Variants in RPN2 observed in about 807,000 individuals in gnomAD.
RPN2 encodes the protein dolichyl-diphosphooligosaccharide--protein glycosyltransferase subunit 2.
In RPN2, 29 loss-of-function variants were observed where a neutral mutation model predicts 71.4. That is an observed-to-expected ratio of 0.41 (90% CI 0.30 to 0.55). The LOEUF (loss-of-function observed/expected upper bound fraction) is 0.55, where lower values mean the gene tolerates loss of function less well. Ranked by LOEUF, RPN2 falls within the 20% of genes least tolerant of loss-of-function variation. The pLI is 0.35. For synonymous variants in RPN2, 308 were observed against 305.0 expected, an observed-to-expected ratio of 1.01 and a Z score of -0.10; for missense variants, 726 against 774.1, an observed-to-expected ratio of 0.94 and a Z score of 0.74.
At chr20:37,214,438 A>G (rs1175271090) in intron 9 of RPN2, among the ~76,000 whole-genome samples, 4 of 152,196 alleles carry the variant, frequency 2.6e-5, no homozygotes, top group Admixed American at 6.5e-5. Flanking sequence ...GAGGTAGTTC[A>G]CCTTAGTATT....
At chr20:37,206,208 T>A (rs1282845112) in intron 6 of RPN2, among the ~76,000 whole-genome samples, 1 of 152,232 alleles carries the variant, frequency 6.6e-6, no homozygotes, top group Non-Finnish European at 1.5e-5. Flanking sequence ...TCCACTTTTT[T>A]AAAAAATTGC....
At chr20:37,179,512 T>A in intron 1 of RPN2, 143 bp downstream of exon 1, 1 of 1,407,418 alleles carries the variant, frequency 7.1e-7, no homozygotes, top group Non-Finnish European at 9.3e-7. Flanking sequence ...CGCTCTCGGA[T>A]CGAGGGTCCG....
In RPN2 at chr20:37,212,825, A is replaced by C. The variant is rs183172482; in HGVS notation, c.987-935A>C. ...AATTAGGTAATAAGTTATTGAGATC[A>C]GGAGTTTTCAATTTTAGAGAGAAAA... is the stretch of plus-strand genomic sequence containing the variant. On this transcript the variant is annotated intron_variant, in intron 8 of 16. Coordinates refer to ENST00000237530, the MANE Select transcript of RPN2 (RefSeq NM_002951.5). Among the ~76,000 whole-genome samples the C allele has an allele frequency of 1.1e-4, 17 of 152,300 alleles. 1 individual carries two copies. The highest frequency in any genetic ancestry group is 4.1e-4 in the African/African-American group (17 of 41,556).
intron 16 of RPN2, among the ~76,000 whole-genome samples, chr20:37,239,290 T>A (rs2068488139): frequency 6.6e-6 from 1 of 152,192 alleles, no homozygotes; most frequent in Admixed American, 6.5e-5. Context: ...CCAACAAAAC[T>A]TTATTCACCA....
At chr20:37,199,858 G>A (rs1568971886) in intron 4 of RPN2, among the ~76,000 whole-genome samples, 1 of 152,118 alleles carries the variant, frequency 6.6e-6, no homozygotes, top group Non-Finnish European at 1.5e-5. Flanking sequence ...TTTAGAGACA[G>A]GATCTCACTC....
chr20:37,193,802 T>C (rs2067197254), intron 2 of RPN2, among the ~76,000 whole-genome samples: 2 of 152,094 alleles, frequency 1.3e-5, no homozygotes, highest in African/African-American at 4.8e-5. Context: ...CTTTGAGTCA[T>C]GTAAGTGGCT....
intron 6 of RPN2, among the ~76,000 whole-genome samples, chr20:37,205,679 C>T (rs1224687222): frequency 6.6e-6 from 1 of 152,090 alleles, no homozygotes; most frequent in East Asian, 1.9e-4. Flanking sequence ...CATATTTTCT[C>T]CATGTGGTCA....
intron 4 of RPN2, among the ~76,000 whole-genome samples, chr20:37,201,624 C>T (rs533318626): frequency 7.2e-5 from 11 of 152,196 alleles, no homozygotes; most frequent in Non-Finnish European, 1.2e-4. Context: ...TTCTACTCAA[C>T]CTCTGTGACC....
At chr20:37,226,424 G>A (rs2068079068) in intron 11 of RPN2, among the ~76,000 whole-genome samples, 1 of 152,128 alleles carries the variant, frequency 6.6e-6, no homozygotes, top group Non-Finnish European at 1.5e-5. Context: ...GGTGGCTCAC[G>A]CCTGTAATCC....
At chr20:37,207,161 G>C in intron 6 of RPN2, 112 bp from the exon 7 acceptor site, 1 of 816,548 alleles carries the variant, frequency 1.2e-6, no homozygotes. Flanking sequence ...TTGACCAAAA[G>C]ACCTCCCATG....
rs1025734196 is a variant in RPN2 at position 37,197,641 on chromosome 20, C to T, written c.208-756C>T. On this transcript the variant is annotated intron_variant, in intron 2 of 16. Transcript: ENST00000237530. ...TTTTTTTGGGGGACTGGGTCTCGCTCTGTCTCCCAGACTGGAGTGTAGTGG... is the reference window on the plus strand; with the variant it reads ...TTTTTTTGGGGGACTGGGTCTCGCTTTGTCTCCCAGACTGGAGTGTAGTGG... 3.3e-5 allele frequency among the ~76,000 whole-genome samples: 5 copies of T among 152,288 alleles called. No homozygotes were observed. The South Asian group carries it at 1.0e-3, about 32-fold the overall frequency.
intron 4 of RPN2, chr20:37,200,308 T>G: frequency 3.2e-6 from 1 of 310,386 alleles, no homozygotes; most frequent in Non-Finnish European, 6.7e-6. Context: ...ATTTTTTTAG[T>G]TTTTAGTGGA....
In RPN2 at chr20:37,207,284, C is replaced by T. The variant is rs2067535502; in HGVS notation, c.702C>T (p.Ile234=). Residue 234 remains isoleucine (I), a synonymous_variant, in exon 7 of 17, where the codon ATC becomes ATT. Transcript: ENST00000237530. ...TEPSIKEDQV[I]QLMNAIFSKK... ...CGCATTTCTTTCAGGATCAGGTCATCCAGCTGATGAACGCGATCTTCAGCA... is the reference window on the plus strand; with the variant it reads ...CGCATTTCTTTCAGGATCAGGTCATTCAGCTGATGAACGCGATCTTCAGCA... 1 of 1,613,748 alleles carries T rather than the reference C, an allele frequency of 6.2e-7. No individual in the cohort carries two copies. Among genetic ancestry groups the T allele is most frequent in the Non-Finnish European group, 8.5e-7 (1 of 1,179,594 alleles).
chr20:37,189,829 T>A (rs543128063), intron 2 of RPN2, among the ~76,000 whole-genome samples: 1 of 152,332 alleles, frequency 6.6e-6, no homozygotes, highest in African/African-American at 2.4e-5. Context: ...CGTTCTTACA[T>A]TGAAAAGGTT....
At chr20:37,228,367 C>G (rs1458275592) in intron 11 of RPN2, among the ~76,000 whole-genome samples, 183 bp from the exon 12 acceptor site, 1 of 152,192 alleles carries the variant, frequency 6.6e-6, no homozygotes, top group Non-Finnish European at 1.5e-5. Flanking sequence ...AAAAAGTTAT[C>G]TCTGAGCTGG....
At chr20:37,181,153 C>T (rs1006769127) in intron 1 of RPN2, among the ~76,000 whole-genome samples, 11 of 151,860 alleles carry the variant, frequency 7.2e-5, no homozygotes, top group South Asian at 2.1e-4. Context: ...CGCTTGAACC[C>T]GGGAGGCGGA....
At chr20:37,182,759 G>A (rs1166868887) in intron 1 of RPN2, among the ~76,000 whole-genome samples, 1 of 152,042 alleles carries the variant, frequency 6.6e-6, no homozygotes, top group Non-Finnish European at 1.5e-5. Context: ...AAGGATTTAG[G>A]GCCACTCATG....
At position 37,228,919 on chromosome 20, in the gene RPN2, G is replaced by A. The variant is rs2146682850; in HGVS notation, c.1494+175G>A. On this transcript the variant is annotated intron_variant, in intron 12 of 16. Transcript: ENST00000237530. The stretch of plus-strand genomic sequence containing the variant: ...CATAAATAGTCCTGGGGTCATGCAC[G>A]GGGCTTGGCAACATGGTACGTGCTT... Among the ~76,000 whole-genome samples, 2 of 152,290 alleles carry A rather than the reference G, an allele frequency of 1.3e-5. 1 individual carries two copies. The highest frequency in any genetic ancestry group is 4.1e-4 in the South Asian group (2 of 4,826).
At chr20:37,211,375 C>A (rs577121033) in intron 8 of RPN2, among the ~76,000 whole-genome samples, 1 of 150,336 alleles carries the variant, frequency 6.7e-6, no homozygotes, top group Non-Finnish European at 1.5e-5. Context: ...TGGCAGCTCA[C>A]GCCTGTAATC....
Sources: allele counts gnomAD v4.1 joint callset (sites outside exome capture counted in the v4.1 genomes callset), GRCh38; gene constraint gnomAD v4.1.1; transcripts MANE v1.5; gene names NCBI Gene and HGNC (gene_info 2026-07-23, HGNC 2026-07-21).